CCDC3: variants seen among roughly 807,000 people sequenced by gnomAD.
CCDC3 encodes the protein coiled-coil domain-containing protein 3.
In CCDC3, 24 loss-of-function variants were observed where a neutral mutation model predicts 21.4. That is an observed-to-expected ratio of 1.12 (90% CI 0.81 to 1.58). CCDC3 has a LOEUF of 1.58. Among genes scored for constraint, CCDC3 ranks in the 40% most tolerant of loss-of-function variants. CCDC3 has a pLI of 0.00. For synonymous variants in CCDC3, 186 were observed against 166.0 expected, an observed-to-expected ratio of 1.12 and a Z score of -0.93; for missense variants, 425 against 360.9, an observed-to-expected ratio of 1.18 and a Z score of -1.44.
At chr10:13,008,769 A>G (rs1382171203) in intron 5 of CCDC3, among the ~76,000 whole-genome samples, 2 of 152,254 alleles carry the variant, frequency 1.3e-5, no homozygotes, top group East Asian at 3.8e-4. Context: ...TCAGTAAGTT[A>G]GCAATAGAAG....
At chr10:12,965,663 A>G (rs558138317) in intron 2 of CCDC3, among the ~76,000 whole-genome samples, 5 of 152,242 alleles carry the variant, frequency 3.3e-5, no homozygotes, top group Non-Finnish European at 5.9e-5. Context: ...ATTAGCCATG[A>G]CATTCAAAGT....
At position 12,983,388 on chromosome 10, in the gene CCDC3, C is replaced by A. The variant is rs1044240128; in HGVS notation, c.549+14950G>T. Among the ~76,000 whole-genome samples the A allele has an allele frequency of 3.8e-4, 58 of 151,128 alleles. 1 individual carries two copies. The highest frequency in any genetic ancestry group is 1.4e-3 in the African/African-American group (56 of 41,226). Reference sequence around the variant, plus strand: ...AGAAGTTCGAGACCAGCCTGGGCAACATGGTGAAACCTTGTCTCTACTAAA... The same window carrying A: ...AGAAGTTCGAGACCAGCCTGGGCAAAATGGTGAAACCTTGTCTCTACTAAA... On this transcript the variant is annotated intron_variant, in intron 2 of 2. Coordinates refer to ENST00000378825, the MANE Select transcript of CCDC3 (RefSeq NM_031455.4).
chr10:12,972,734 T>C (rs1351833270), intron 2 of CCDC3, among the ~76,000 whole-genome samples: 1 of 151,996 alleles, frequency 6.6e-6, no homozygotes, highest in African/African-American at 2.4e-5. Context: ...TGAGAATCTC[T>C]TGAACCCGGG....
intron 3 of CCDC3, among the ~76,000 whole-genome samples, chr10:13,085,135 A>G (rs578071976): frequency 6.6e-6 from 1 of 152,262 alleles, no homozygotes; most frequent in South Asian, 2.1e-4. Flanking sequence ...CTTCCAGGCA[A>G]ACTGCCACCA....
At chr10:12,919,306 T>C (rs1481151006) in intron 2 of CCDC3, among the ~76,000 whole-genome samples, 1 of 152,114 alleles carries the variant, frequency 6.6e-6, no homozygotes, top group Non-Finnish European at 1.5e-5. Context: ...ATGAGTACTA[T>C]TGGCCAGGCA....
chr10:13,002,957 T>G (rs1482059282), upstream of CCDC3, among the ~76,000 whole-genome samples: 1 of 152,176 alleles, frequency 6.6e-6, no homozygotes, highest in Non-Finnish European at 1.5e-5. Flanking sequence ...AGGTCACTAG[T>G]CCTATGGGGT....
In CCDC3 at chr10:13,001,424, C is replaced by T; in HGVS notation, c.147G>A (p.Leu49=). The change falls in exon 1 of 3, where the codon CTG becomes CTA. Residue 49 remains leucine, a synonymous_variant. Transcript: ENST00000378825. Reference sequence around the variant, plus strand: ...GGCCGGGCGCCTCGGGGTGCAGCGCCAGCACCCTGGCGTACACGATGGTCT... The same window carrying T: ...GGCCGGGCGCCTCGGGGTGCAGCGCTAGCACCCTGGCGTACACGATGGTCT... ...LAETIVYARV[L]ALHPEAPGLY... 6.5e-7 allele frequency: 1 copy of T among 1,542,652 alleles called. No homozygotes were observed. The highest frequency in any genetic ancestry group is 8.7e-7 in the Non-Finnish European group (1 of 1,144,238).
At chr10:13,035,074 G>A (rs1836361640) in intron 5 of CCDC3, among the ~76,000 whole-genome samples, 2 of 151,080 alleles carry the variant, frequency 1.3e-5, no homozygotes, top group African/African-American at 4.9e-5. Context: ...AAGAAAAACA[G>A]GACTGGAGGA....
intron 2 of CCDC3, among the ~76,000 whole-genome samples, chr10:12,991,762 A>G (rs775781296): frequency 2.0e-5 from 3 of 152,192 alleles, no homozygotes; most frequent in Non-Finnish European, 4.4e-5. Flanking sequence ...TATAGTTTTA[A>G]AAACTCCAAA....
intron 4 of CCDC3, among the ~76,000 whole-genome samples, chr10:13,067,648 G>A (rs1007614957): frequency 6.6e-6 from 1 of 152,146 alleles, no homozygotes; most frequent in African/African-American, 2.4e-5. Context: ...AATGGCGGCC[G>A]GGTTCAATCC....
chr10:12,907,037 T>C (rs1405024956), intron 2 of CCDC3, among the ~76,000 whole-genome samples: 1 of 152,190 alleles, frequency 6.6e-6, no homozygotes, highest in Non-Finnish European at 1.5e-5. Flanking sequence ...TCCTGAAGTC[T>C]TCCTATAAGG....
At chr10:12,941,419 C>T (rs1441029181) in intron 2 of CCDC3, among the ~76,000 whole-genome samples, 1 of 152,214 alleles carries the variant, frequency 6.6e-6, no homozygotes, top group Non-Finnish European at 1.5e-5. Flanking sequence ...TCCATGGCCT[C>T]GCCTTGAATT....
At chr10:12,957,669 C>T (rs960583526) in intron 2 of CCDC3, among the ~76,000 whole-genome samples, 12 of 152,066 alleles carry the variant, frequency 7.9e-5, no homozygotes, top group Non-Finnish European at 1.3e-4. Context: ...TCTAAGCGTG[C>T]GGCACCTCCC....
Position 12,931,244 on chromosome 10 carries a change from T to C in CCDC3, c.550-32565A>G, listed in dbSNP as rs1834636867. Among the ~76,000 whole-genome samples the C allele has an allele frequency of 2.0e-5, 3 of 149,522 alleles. No individual in the cohort carries two copies. The South Asian group carries it at 6.4e-4, about 32-fold the overall frequency. On this transcript the variant is annotated intron_variant, in intron 2 of 2. Transcript: ENST00000378825. The stretch of plus-strand genomic sequence containing the variant: ...AAAAAAAAAAAAAAAATTAAAGCTC[T>C]GACAAGTCTGCCGTATTCATAAGAC...
chr10:13,032,151 A>T (rs1352292452), intron 5 of CCDC3, among the ~76,000 whole-genome samples: 1 of 145,906 alleles, frequency 6.9e-6, no homozygotes, highest in East Asian at 2.0e-4. Flanking sequence ...CCACAATCAA[A>T]TTGGCTTCAT....
In CCDC3 at chr10:12,898,328, A is replaced by C; in HGVS notation, c.*88T>G. 1 of 1,351,716 alleles carries C rather than the reference A, an allele frequency of 7.4e-7. No homozygotes were observed. The highest frequency in any genetic ancestry group is 2.6e-5 in the Admixed American group (1 of 38,328). The allele number at this position is 1,351,716 out of a possible 1,614,324, so 83.7% of individuals were successfully genotyped here. A position where few individuals can be genotyped will look rare whatever the true frequency, so the allele number is the denominator to read the frequency against. ...GTGATTAAAAACAAAAACTCTTACA[A>C]CCCTTGAAATAGCTGCATGTACGAA... is the stretch of plus-strand genomic sequence containing the variant. On this transcript the variant is annotated 3_prime_UTR_variant, in exon 3 of 3. Transcript: ENST00000378825.
At chr10:13,067,218 G>A (rs1439664539) in intron 4 of CCDC3, among the ~76,000 whole-genome samples, 1 of 152,220 alleles carries the variant, frequency 6.6e-6, no homozygotes, top group Admixed American at 6.5e-5. Context: ...GGGGTGCATG[G>A]CCCATGGCCC....
chr10:12,957,187 C>T (rs1157520464), intron 2 of CCDC3, among the ~76,000 whole-genome samples: 1 of 152,174 alleles, frequency 6.6e-6, no homozygotes, highest in Non-Finnish European at 1.5e-5. Flanking sequence ...GACCAACCCC[C>T]CTGGCCACTT....
chr10:12,902,762 C>G (rs1211991515), intron 2 of CCDC3, among the ~76,000 whole-genome samples: 2 of 152,154 alleles, frequency 1.3e-5, no homozygotes, highest in Non-Finnish European at 2.9e-5. Context: ...TCACAGTTAG[C>G]CCTCGACCAT....
Sources: gnomAD v4.1 joint callset for allele counts (sites outside exome capture counted in the v4.1 genomes callset) on GRCh38, gnomAD v4.1.1 for gene constraint, MANE v1.5 for transcripts, NCBI Gene and HGNC (gene_info 2026-07-23, HGNC 2026-07-21) for gene names.